SHC4: variants seen among roughly 807,000 people sequenced by gnomAD.
SHC4 encodes SHC-transforming protein 4.
SHC4 carries 41 observed loss-of-function variants against 69.4 expected under a neutral mutation model. The ratio of observed to expected loss-of-function variants is 0.59; its 90% CI spans 0.46 to 0.77. SHC4 has a LOEUF of 0.77. Among genes scored for constraint, SHC4 ranks in the 30% least tolerant of loss-of-function variants. SHC4 has a pLI of 0.00. For missense variants in SHC4, 777 were observed against 783.8 expected (o/e 0.99, Z 0.10); for synonymous variants, 318 against 299.3 (o/e 1.06, Z -0.64).
intron 9 of SHC4, among the ~76,000 whole-genome samples, chr15:48,844,303 T>A (rs561199488): frequency 1.1e-4 from 17 of 152,284 alleles, no homozygotes; most frequent in Non-Finnish European, 2.4e-4. Flanking sequence ...AAACTGCAAA[T>A]CCGGTCATAT....
intron 1 of SHC4, among the ~76,000 whole-genome samples, chr15:48,956,970 C>CTT (rs1234585427): frequency 2.3e-4 from 16 of 70,156 alleles, no homozygotes; most frequent in African/African-American, 4.2e-4. Context: ...TTCTTTCTTT[C>CTT]TTTCTTTTTT....
chr15:48,834,835 T>C lies in SHC4; in HGVS notation c.1671A>G (p.Gln557=). The part of the protein sequence containing the change: ...LVRESATSPG[Q]YVLSGLQGGQ... The stretch of plus-strand genomic sequence containing the variant: ...CTCCCTGTAGTCCACTCAGCACATA[T>C]TGGCCAGGGGATGTTGCACTCTCTC... The change falls in exon 11 of 12, where the codon CAA becomes CAG. Residue 557 remains glutamine (Q), a synonymous_variant. Coordinates refer to ENST00000332408, the MANE Select transcript of SHC4 (RefSeq NM_203349.4). 1.2e-6 allele frequency: 2 copies of C among 1,614,140 alleles called. No homozygotes were observed. Among genetic ancestry groups the C allele is most frequent in the African/African-American group, 1.3e-5 (1 of 75,028 alleles).
chr15:48,921,735 A>C (rs968645126), intron 2 of SHC4, among the ~76,000 whole-genome samples: 7 of 152,218 alleles, frequency 4.6e-5, no homozygotes, highest in African/African-American at 1.7e-4. Flanking sequence ...GTTGCGCAAC[A>C]ATGTGAATGT....
intron 10 of SHC4, among the ~76,000 whole-genome samples, chr15:48,835,934 T>C (rs974392731): frequency 1.3e-4 from 20 of 149,476 alleles, no homozygotes; most frequent in African/African-American, 4.7e-4. Context: ...TCCCAGCACT[T>C]TGGGAGGCCG....
chr15:48,904,891 T>A (rs1900379629), intron 2 of SHC4, among the ~76,000 whole-genome samples: 1 of 149,134 alleles, frequency 6.7e-6, no homozygotes, highest in African/African-American at 2.5e-5. Context: ...CAGTATGAGA[T>A]CCTGTCTCTA....
At chr15:48,874,803 A>G (rs1899762128) in intron 4 of SHC4, among the ~76,000 whole-genome samples, 1 of 152,202 alleles carries the variant, frequency 6.6e-6, no homozygotes, top group Non-Finnish European at 1.5e-5. Context: ...CATAGTGGCA[A>G]GTGAGTTGAT....
chr15:48,937,714 C>T (rs1375328012), intron 1 of SHC4, among the ~76,000 whole-genome samples: 1 of 152,060 alleles, frequency 6.6e-6, no homozygotes, highest in Admixed American at 6.5e-5. Context: ...CTGTATGTAG[C>T]AAATGTTTTA....
At chr15:48,870,236 T>C (rs1327651257) in intron 5 of SHC4, among the ~76,000 whole-genome samples, 2 of 152,210 alleles carry the variant, frequency 1.3e-5, no homozygotes, top group Non-Finnish European at 2.9e-5. Flanking sequence ...CTGGATTCAG[T>C]TGACCCTCCC....
intron 3 of SHC4, among the ~76,000 whole-genome samples, chr15:48,887,697 T>C (rs1417141265): frequency 6.6e-6 from 1 of 151,916 alleles, no homozygotes; most frequent in African/African-American, 2.4e-5. Flanking sequence ...ATAGATAAAA[T>C]TAATTAAACC....
At chr15:48,938,410 T>A (rs1466986140) in intron 1 of SHC4, 4 of 152,230 alleles carry the variant, frequency 2.6e-5, no homozygotes, top group African/African-American at 9.6e-5. Flanking sequence ...CCCTTATTCC[T>A]CTGAACACTT....
At chr15:48,928,436 G>C (rs1900895232) in intron 1 of SHC4, among the ~76,000 whole-genome samples, 1 of 152,246 alleles carries the variant, frequency 6.6e-6, no homozygotes, top group Admixed American at 6.5e-5. Flanking sequence ...AGACAGAAAT[G>C]TCTGAACAGG....
chr15:48,945,706 G>T (rs1268160610), intron 1 of SHC4, among the ~76,000 whole-genome samples: 1 of 83,174 alleles, frequency 1.2e-5, no homozygotes. Flanking sequence ...TCTGCCAGGG[G>T]TTGGAGGGGA....
chr15:48,904,006 G>A (rs931649088), intron 2 of SHC4, among the ~76,000 whole-genome samples: 24 of 151,918 alleles, frequency 1.6e-4, no homozygotes, highest in African/African-American at 5.3e-4. Context: ...TTTCTCCTTA[G>A]AAATCACAAA....
intron 6 of SHC4, among the ~76,000 whole-genome samples, chr15:48,864,928 A>T (rs1243989616): frequency 6.6e-6 from 1 of 152,046 alleles, no homozygotes; most frequent in African/African-American, 2.4e-5. Flanking sequence ...TGGGACCCCT[A>T]CTTCCACTTT....
chr15:48,847,216 C>T (rs1172361536), intron 9 of SHC4, among the ~76,000 whole-genome samples: 1 of 152,122 alleles, frequency 6.6e-6, no homozygotes, highest in African/African-American at 2.4e-5. Context: ...CCCTTTCCAG[C>T]TTTCCTAAGA....
At chr15:48,955,804 G>A (rs28392847) in intron 1 of SHC4, among the ~76,000 whole-genome samples, 34,030 of 152,172 alleles carry the variant, frequency 0.22, 6,313 homozygotes, top group African/African-American at 0.51. Context: ...TCAGGAAGTG[G>A]GGGAAGATGA....
chr15:48,883,251 C>T (rs975399253), intron 4 of SHC4, among the ~76,000 whole-genome samples: 1 of 151,980 alleles, frequency 6.6e-6, no homozygotes, highest in African/African-American at 2.4e-5. Context: ...CTCATTTAAT[C>T]CTCTAAACAG....
At chr15:48,894,346 A>C (rs1900186812) in intron 2 of SHC4, among the ~76,000 whole-genome samples, 1 of 152,156 alleles carries the variant, frequency 6.6e-6, no homozygotes, top group African/African-American at 2.4e-5. Context: ...GTTATGTTTT[A>C]CTTTCATTGT....
intron 3 of SHC4, among the ~76,000 whole-genome samples, chr15:48,890,451 A>T (rs1341124755): frequency 6.6e-6 from 1 of 152,242 alleles, no homozygotes; most frequent in Non-Finnish European, 1.5e-5. Context: ...AGTCTCAGCA[A>T]GATGAGATCC....
Sources: allele counts gnomAD v4.1 joint callset (sites outside exome capture counted in the v4.1 genomes callset), GRCh38; gene constraint gnomAD v4.1.1; transcripts MANE v1.5; gene names NCBI Gene and HGNC (gene_info 2026-07-23, HGNC 2026-07-21).